Variants in ITGA8 observed in about 807,000 individuals in gnomAD.
ITGA8 encodes the protein integrin alpha-8.
Under a neutral mutation model 142.3 loss-of-function variants are expected in ITGA8, and 91 were observed. That is an observed-to-expected ratio of 0.64 (90% CI 0.54 to 0.76). The LOEUF (loss-of-function observed/expected upper bound fraction) is 0.76. Among genes scored for constraint, ITGA8 ranks in the 30% least tolerant of loss-of-function variants. The probability of loss-of-function intolerance (pLI) is 0.00; values close to 1 mark genes in which losing one functional copy is unlikely to be tolerated. For synonymous variants in ITGA8, 505 were observed against 485.2 expected (o/e 1.04, Z -0.54); for missense variants, 1,406 against 1,327.7 (o/e 1.06, Z -0.92).
At chr10:15,655,614 G>T (rs983022456) in intron 10 of ITGA8, among the ~76,000 whole-genome samples, 2 of 152,074 alleles carry the variant, frequency 1.3e-5, no homozygotes, top group Admixed American at 6.5e-5. Flanking sequence ...CCTGACATCT[G>T]CTTGGACATC....
rs781209485 is a variant in ITGA8 at position 15,647,016 on chromosome 10, A to G, written c.1037T>C (p.Met346Thr). Residue 346 changes from methionine to threonine, a missense_variant, in exon 12 of 30, where the codon ATG (methionine) becomes ACG (threonine). Met to Thr is a moderately conservative substitution (Grantham distance 81, BLOSUM62 -1). Transcript: ENST00000378076. ...DDVLVGAPLF[M>T]EREFESNPRE... ...GGGGTTGCTCTCAAATTCACGTTCC[A>G]TAAAGAGAGGTGCCCCAACCAGGAC... The G allele has an allele frequency of 5.6e-6, 9 of 1,613,898 alleles. No homozygotes were observed. The highest frequency in any genetic ancestry group is 2.2e-5 in the South Asian group (2 of 91,062).
chr10:15,578,195 A>G (rs1834335148), intron 23 of ITGA8, among the ~76,000 whole-genome samples: 1 of 152,052 alleles, frequency 6.6e-6, no homozygotes, highest in Non-Finnish European at 1.5e-5. Context: ...TCTCCTCCAT[A>G]TCTCTTGGCA....
intron 2 of ITGA8, among the ~76,000 whole-genome samples, chr10:15,716,048 C>A (rs902519970): frequency 6.6e-6 from 1 of 152,224 alleles, no homozygotes; most frequent in African/African-American, 2.4e-5. Flanking sequence ...CTTTTCCCAA[C>A]AATTCCTTTC....
intron 2 of ITGA8, among the ~76,000 whole-genome samples, chr10:15,693,066 C>G (rs540186018): frequency 6.6e-6 from 1 of 152,128 alleles, no homozygotes; most frequent in East Asian, 1.9e-4. Context: ...GACTCTGTCT[C>G]AAAATAAAAT....
intron 2 of ITGA8, among the ~76,000 whole-genome samples, chr10:15,704,795 G>A (rs1835227472): frequency 6.6e-6 from 1 of 152,118 alleles, no homozygotes; most frequent in African/African-American, 2.4e-5. Flanking sequence ...GACCTCAAAG[G>A]AGTGCTTTTA....
chr10:15,659,198 G>A (rs1834240919), intron 9 of ITGA8, 143 bp from the exon 10 acceptor site: 9 of 515,928 alleles, frequency 1.7e-5, no homozygotes, highest in East Asian at 3.4e-5. Flanking sequence ...GAAAGCCCAC[G>A]GAATGATCTT....
chr10:15,643,533 G>A lies in ITGA8; in HGVS notation c.1399+497C>T, dbSNP rs73603052. Among the ~76,000 whole-genome samples, 650 of 152,206 alleles carry A rather than the reference G, an allele frequency of 4.3e-3. 5 individuals carry two copies. Among genetic ancestry groups the A allele is most frequent in the African/African-American group, 0.015 (626 of 41,510 alleles). On this transcript the variant is annotated intron_variant, in intron 13 of 29. Transcript: ENST00000378076. ...GACCTCAACTGATCCACCCACCTCG[G>A]CCTCCTAAATACTGATGAGATTACA...
At chr10:15,636,453 A>T (rs1476540576) in intron 13 of ITGA8, among the ~76,000 whole-genome samples, 2 of 152,226 alleles carry the variant, frequency 1.3e-5, no homozygotes, top group Non-Finnish European at 2.9e-5. Context: ...TATTTGTTGT[A>T]AAAAGCCTAA....
chr10:15,687,477 G>A (rs1196242000), intron 3 of ITGA8, among the ~76,000 whole-genome samples: 1 of 152,072 alleles, frequency 6.6e-6, no homozygotes, highest in Non-Finnish European at 1.5e-5. Context: ...AAGTATTAAT[G>A]AACTCAGAGA....
At chr10:15,623,164 T>C (rs1229899705) in intron 13 of ITGA8, among the ~76,000 whole-genome samples, 1 of 152,160 alleles carries the variant, frequency 6.6e-6, no homozygotes, top group East Asian at 1.9e-4. Flanking sequence ...ATTTTAAATA[T>C]AATTGCCTCC....
chr10:15,639,284 A>C (rs886506358), intron 13 of ITGA8, among the ~76,000 whole-genome samples: 12 of 152,128 alleles, frequency 7.9e-5, no homozygotes, highest in Admixed American at 7.9e-4. Context: ...GGGCTTAGCA[A>C]ACCAGTTCTT....
intron 12 of ITGA8, among the ~76,000 whole-genome samples, chr10:15,646,488 T>C (rs1278290361): frequency 6.6e-6 from 1 of 152,154 alleles, no homozygotes; most frequent in Non-Finnish European, 1.5e-5. Context: ...TTGACATTGC[T>C]TAATGAGGTT....
intron 27 of ITGA8, among the ~76,000 whole-genome samples, chr10:15,537,857 C>T (rs2131548670): frequency 6.6e-6 from 1 of 152,254 alleles, no homozygotes; most frequent in South Asian, 2.1e-4. Flanking sequence ...GTGTCTCATG[C>T]CTGTAATCCC....
At chr10:15,581,911 A>G (rs2131588390) in intron 23 of ITGA8, among the ~76,000 whole-genome samples, 1 of 152,300 alleles carries the variant, frequency 6.6e-6, no homozygotes, top group Non-Finnish European at 1.5e-5. Context: ...TGGGGGGAAA[A>G]ATGGTTTTTT....
At chr10:15,620,357 A>G (rs1027825218) in intron 13 of ITGA8, among the ~76,000 whole-genome samples, 2 of 152,100 alleles carry the variant, frequency 1.3e-5, no homozygotes, top group African/African-American at 2.4e-5. Context: ...AGAAAGTAAT[A>G]TAAAGTCTCC....
Position 15,719,827 on chromosome 10 carries a change from C to G in ITGA8, c.-56G>C, listed in dbSNP as rs967520033. On this transcript the variant is annotated 5_prime_UTR_variant, in exon 1 of 30. Transcript: ENST00000378076. ...CAGGAGCGCGAGCCGAGGACCCCTG[C>G]GGGGCAAGGGGGGCTGGTGGAATCT... 1.6e-6 allele frequency: 2 copies of G among 1,239,940 alleles called. No homozygotes were observed. Among genetic ancestry groups the G allele is most frequent in the Non-Finnish European group, 2.1e-6 (2 of 974,388 alleles). 76.8% of individuals were successfully genotyped at this position (1,239,940 alleles called of 1,614,324 possible).
intron 27 of ITGA8, among the ~76,000 whole-genome samples, chr10:15,546,631 T>A (rs1833675133): frequency 2.0e-5 from 3 of 151,082 alleles, no homozygotes; most frequent in Admixed American, 6.6e-5. Flanking sequence ...CGCGATCTGG[T>A]CTAAAACGTT....
At chr10:15,549,201 G>GTTTTTTTTTTGTTT (rs1833741330) in intron 26 of ITGA8, among the ~76,000 whole-genome samples, 1 of 107,340 alleles carries the variant, frequency 9.3e-6, no homozygotes, top group Admixed American at 8.6e-5. Context: ...TTTCTTTTCT[G>GTTTTTTTTTTGTTT]TTTTTTTTTT....
rs1257857724 is a variant in ITGA8, at chr10:15,592,261, G to T, written c.2255C>A (p.Thr752Lys). ...GAGATCGAAGTTAATGCTCATGTTTGTTTTCTCAAGACGTGGAACTGCAAA... is the reference window on the plus strand; with the variant it reads ...GAGATCGAAGTTAATGCTCATGTTTTTTTTCTCAAGACGTGGAACTGCAAA... ...LRFAVPRLEK[T>K]NMSINFDLQI... Residue 752 changes from threonine (T) to lysine (K), a missense_variant, in exon 22 of 30, where the codon ACA (threonine) becomes AAA (lysine). By Grantham distance (78) the Thr-to-Lys change is moderately conservative. Coordinates refer to ENST00000378076, the MANE Select transcript of ITGA8 (RefSeq NM_003638.3). 2 of 1,613,902 alleles carry T rather than the reference G, an allele frequency of 1.2e-6. No individual in the cohort carries two copies. Among genetic ancestry groups the T allele is most frequent in the Non-Finnish European group, 8.5e-7 (1 of 1,179,816 alleles).
Sources: allele counts gnomAD v4.1 joint callset (sites outside exome capture counted in the v4.1 genomes callset), GRCh38; gene constraint gnomAD v4.1.1; transcripts MANE v1.5; gene names NCBI Gene and HGNC (gene_info 2026-07-23, HGNC 2026-07-21).